ST8SIA4: variants seen among roughly 807,000 people sequenced by gnomAD.
ST8SIA4 encodes the protein CMP-N-acetylneuraminate-poly-alpha-2,8-sialyltransferase.
Under a neutral mutation model 33.9 loss-of-function variants are expected in ST8SIA4, and 15 were observed. The ratio of observed to expected loss-of-function variants is 0.44; its 90% CI spans 0.30 to 0.68. The LOEUF (loss-of-function observed/expected upper bound fraction) is 0.68. ST8SIA4 is among the 30% of genes least tolerant of loss of function. The pLI, the probability that ST8SIA4 is intolerant of heterozygous loss-of-function variation, is 0.10. For missense variants in ST8SIA4, 321 were observed against 428.0 expected, an observed-to-expected ratio of 0.75 and a Z score of 2.21; for synonymous variants, 171 against 151.2, an observed-to-expected ratio of 1.13 and a Z score of -0.96.
intron 2 of ST8SIA4, among the ~76,000 whole-genome samples, chr5:100,893,502 T>C (rs981896865): frequency 2.0e-5 from 3 of 152,142 alleles, no homozygotes; most frequent in African/African-American, 7.2e-5. Context: ...TAATTGAAAA[T>C]AGATCACCCT....
chr5:100,837,110 G>A (rs972310324), intron 4 of ST8SIA4, among the ~76,000 whole-genome samples: 5 of 151,928 alleles, frequency 3.3e-5, no homozygotes, highest in Non-Finnish European at 7.4e-5. Flanking sequence ...TCATCAGTAA[G>A]TGTCACAAGT....
intron 2 of ST8SIA4, among the ~76,000 whole-genome samples, 158 bp from the exon 3 acceptor site, chr5:100,886,758 C>T (rs1752546274): frequency 6.6e-6 from 1 of 151,982 alleles, no homozygotes; most frequent in African/African-American, 2.4e-5. Flanking sequence ...GGTGATTAAA[C>T]CAATGAATTA....
chr5:100,866,246 T>TA (rs934631458), intron 3 of ST8SIA4, among the ~76,000 whole-genome samples: 1 of 152,162 alleles, frequency 6.6e-6, no homozygotes, highest in African/African-American at 2.4e-5. Context: ...ATGGATTCCT[T>TA]AAACATATCT....
Position 100,902,895 on chromosome 5 carries a change from T to A in ST8SIA4, c.61A>T (p.Lys21Ter), listed in dbSNP as rs772033749. The A allele has an allele frequency of 6.2e-7, 1 of 1,614,122 alleles. No individual in the cohort carries two copies. The highest frequency in any genetic ancestry group is 1.3e-5 in the African/African-American group (1 of 74,932). The change falls in exon 1 of 5, where the codon AAG (lysine) becomes TAG (stop). Residue 21 changes from lysine to a stop codon, truncating the protein, a stop_gained. Coordinates refer to ENST00000231461, the MANE Select transcript of ST8SIA4 (RefSeq NM_005668.6). LOFTEE classifies it high-confidence loss of function. ...CTISLLLIFYKTKEIARTEEH... is the reference protein window; with the variant it reads ...CTISLLLIFY Reference sequence around the variant, plus strand: ...TCAGTTCTTGCTATTTCTTTTGTCTTATAAAAGATCAGGAGCAGACTTATT... The same window carrying A: ...TCAGTTCTTGCTATTTCTTTTGTCTAATAAAAGATCAGGAGCAGACTTATT...
intron 3 of ST8SIA4, among the ~76,000 whole-genome samples, chr5:100,876,300 C>T (rs1752303859): frequency 1.3e-5 from 2 of 151,960 alleles, no homozygotes; most frequent in South Asian, 2.1e-4. Context: ...TGAAGAGATA[C>T]GTCTAAGGAA....
intron 3 of ST8SIA4, among the ~76,000 whole-genome samples, chr5:100,873,114 C>T (rs1257009966): frequency 6.6e-6 from 1 of 152,120 alleles, no homozygotes; most frequent in African/African-American, 2.4e-5. Context: ...GATTTACTTA[C>T]ATAAATAAGT....
Position 100,898,391 on chromosome 5 carries a change from A to T in ST8SIA4, c.114-2606T>A, listed in dbSNP as rs375188697. 5.3e-5 allele frequency among the ~76,000 whole-genome samples: 8 copies of T among 152,330 alleles called. No homozygotes were observed. In the South Asian group the frequency reaches 1.2e-3, roughly 24 times the overall value. ...TTTACATGGCAGAATGTTTGATATG[A>T]TGTTTTCAGTTGTGCCAAGCCTTTT... is the stretch of plus-strand genomic sequence containing the variant. On this transcript the variant is annotated intron_variant, in intron 1 of 4. Coordinates refer to ENST00000231461, the MANE Select transcript of ST8SIA4 (RefSeq NM_005668.6).
chr5:100,819,308 T>C (rs973262235), intron 4 of ST8SIA4, among the ~76,000 whole-genome samples: 1 of 152,198 alleles, frequency 6.6e-6, no homozygotes, highest in Admixed American at 6.5e-5. Context: ...CTGTGGAAAT[T>C]CTAAGTGGTT....
At chr5:100,880,317 G>T (rs1236418710) in intron 3 of ST8SIA4, among the ~76,000 whole-genome samples, 1 of 152,138 alleles carries the variant, frequency 6.6e-6, no homozygotes, top group Non-Finnish European at 1.5e-5. Context: ...ATACATAAAT[G>T]GAAGGGTAAA....
Position 100,829,098 on chromosome 5 carries a change from G to T in ST8SIA4, c.798-16969C>A, listed in dbSNP as rs115864193. ...TACCTATAAACTGCGAATATTCTGC[G>T]CATAGGAGCATCAGTGTGTATTCAC... is the stretch of plus-strand genomic sequence containing the variant. On this transcript the variant is annotated intron_variant, in intron 4 of 4. Coordinates refer to ENST00000231461, the MANE Select transcript of ST8SIA4 (RefSeq NM_005668.6). Among the ~76,000 whole-genome samples, 196 of 152,312 alleles carry T rather than the reference G, an allele frequency of 1.3e-3. 1 individual carries two copies. The highest frequency in any genetic ancestry group is 4.7e-3 in the African/African-American group (194 of 41,570).
In ST8SIA4 at chr5:100,889,220, T is replaced by C. The variant is rs114585600; in HGVS notation, c.246-2620A>G. 7.7e-3 allele frequency among the ~76,000 whole-genome samples: 1,171 copies of C among 152,052 alleles called. 15 individuals carry two copies. Among genetic ancestry groups the C allele is most frequent in the African/African-American group, 0.027 (1,126 of 41,530 alleles). On this transcript the variant is annotated intron_variant, in intron 2 of 4. Coordinates refer to ENST00000231461, the MANE Select transcript of ST8SIA4 (RefSeq NM_005668.6). ...GTATATATTTATTGAGTACCACTTA[T>C]TTGTCTGGTGAATAATTAATATCTG...
At chr5:100,860,559 G>A (rs146076700) in intron 3 of ST8SIA4, among the ~76,000 whole-genome samples, 164 of 152,308 alleles carry the variant, frequency 1.1e-3, no homozygotes, top group Admixed American at 3.3e-3. Context: ...CATGAAGGTT[G>A]TGGGCTCCAC....
intron 4 of ST8SIA4, among the ~76,000 whole-genome samples, chr5:100,830,973 T>G (rs1751246442): frequency 6.6e-6 from 1 of 152,192 alleles, no homozygotes; most frequent in East Asian, 1.9e-4. Context: ...ACCAATGCAT[T>G]CTTAAAATTA....
At chr5:100,833,372 C>T (rs1289363868) in intron 4 of ST8SIA4, among the ~76,000 whole-genome samples, 2 of 152,138 alleles carry the variant, frequency 1.3e-5, no homozygotes, top group Admixed American at 6.5e-5. Context: ...TTATTTTACT[C>T]AATTGATTGG....
chr5:100,892,682 G>T (rs560839479), intron 2 of ST8SIA4, among the ~76,000 whole-genome samples: 16 of 152,134 alleles, frequency 1.1e-4, no homozygotes, highest in African/African-American at 3.9e-4. Flanking sequence ...AGTTTAATAA[G>T]ATTTTTAAAT....
intron 4 of ST8SIA4, among the ~76,000 whole-genome samples, chr5:100,812,807 T>C (rs1377192529): frequency 6.6e-6 from 1 of 152,172 alleles, no homozygotes; most frequent in African/African-American, 2.4e-5. Context: ...AATAAAGTCC[T>C]TCAAAATGTT....
chr5:100,856,180 A>C lies in ST8SIA4; in HGVS notation c.720T>G (p.Val240=), dbSNP rs1262150821. ...VKGGEKHVEW[V]NALILKNKLK... Reference sequence around the variant, plus strand: ...GTTTATTCTTAAGGATTAATGCATTAACCCACTCCACGTGCTTCTCTCCTC... The same window carrying C: ...GTTTATTCTTAAGGATTAATGCATTCACCCACTCCACGTGCTTCTCTCCTC... The change falls in exon 4 of 5, where the codon GTT becomes GTG. Residue 240 remains valine (V), a synonymous_variant. Coordinates refer to ENST00000231461, the MANE Select transcript of ST8SIA4 (RefSeq NM_005668.6). The C allele has an allele frequency of 6.2e-7, 1 of 1,614,148 alleles. No homozygotes were observed. The highest frequency in any genetic ancestry group is 8.5e-7 in the Non-Finnish European group (1 of 1,179,990).
At chr5:100,867,357 T>C (rs1366333209) in intron 3 of ST8SIA4, among the ~76,000 whole-genome samples, 1 of 152,070 alleles carries the variant, frequency 6.6e-6, no homozygotes, top group Non-Finnish European at 1.5e-5. Flanking sequence ...GACTACTCCA[T>C]TGGTCTGTGG....
At position 100,837,019 on chromosome 5, in the gene ST8SIA4, C is replaced by G. The variant is rs1196363598; in HGVS notation, c.797+19084G>C. ...AAACACACACACACACACACACACA[C>G]ACACACACACACCGTAATACCTGAG... On this transcript the variant is annotated intron_variant, in intron 4 of 4. Coordinates refer to ENST00000231461, the MANE Select transcript of ST8SIA4 (RefSeq NM_005668.6). 3.3e-5 allele frequency among the ~76,000 whole-genome samples: 5 copies of G among 151,754 alleles called. No homozygotes were observed. In the East Asian group the frequency reaches 9.7e-4, roughly 29 times the overall value.
Sources: gnomAD v4.1 joint callset for allele counts (sites outside exome capture counted in the v4.1 genomes callset) on GRCh38, gnomAD v4.1.1 for gene constraint, MANE v1.5 for transcripts, NCBI Gene and HGNC (gene_info 2026-07-23, HGNC 2026-07-21) for gene names.